WDFY3: variants seen among roughly 807,000 people sequenced by gnomAD.
WDFY3 encodes WD repeat and FYVE domain-containing protein 3.
Under a neutral mutation model 409.6 loss-of-function variants are expected in WDFY3, and 66 were observed. That is an observed-to-expected ratio of 0.16 (90% CI 0.13 to 0.20). WDFY3 has a LOEUF of 0.20. Among genes scored for constraint, WDFY3 ranks in the 10% least tolerant of loss-of-function variants. WDFY3 has a pLI of 1.00. For synonymous variants in WDFY3, 1,521 were observed against 1,537.1 expected, an observed-to-expected ratio of 0.99 and a Z score of 0.25; for missense variants, 3,031 against 4,298.1, an observed-to-expected ratio of 0.71 and a Z score of 8.24.
In WDFY3 at chr4:84,684,062, C is replaced by T. The variant is rs75223180; in HGVS notation, c.9607G>A (p.Val3203Met). ...HVWSINGNPI[V>M]SVNTFTGRSQ... ...CTACCTGTGAACGTGTTGACACTCACGATAGGGTTCCCATTGATGCTCCAC... is the reference window on the plus strand; with the variant it reads ...CTACCTGTGAACGTGTTGACACTCATGATAGGGTTCCCATTGATGCTCCAC... Residue 3203 changes from valine to methionine, a missense_variant, in exon 63 of 68, where the codon GTG becomes ATG. Val to Met is a conservative substitution (Grantham distance 21). Coordinates refer to ENST00000295888, the MANE Select transcript of WDFY3 (RefSeq NM_014991.6). The T allele has an allele frequency of 5.7e-5, 92 of 1,613,082 alleles. No homozygotes were observed. The highest frequency in any genetic ancestry group is 2.5e-4 in the Admixed American group (15 of 59,990).
rs573806304 is a variant in WDFY3, at chr4:84,670,740, A to C, written c.*2128T>G. On this transcript the variant is annotated 3_prime_UTR_variant, in exon 68 of 68. Transcript: ENST00000295888. ...GGACAAAAGGAGGACGCTTCTTTTA[A>C]AAAGTGTAGAATAACACTGCTACAA... 3.9e-5 allele frequency: 6 copies of C among 152,666 alleles called. No individual in the cohort carries two copies. In the South Asian group the frequency reaches 1.2e-3, roughly 32 times the overall value. The allele number at this position is 152,666 out of a possible 1,614,324, so 9.5% of individuals were successfully genotyped here. A position where few individuals can be genotyped will look rare whatever the true frequency, so the allele number is the denominator to read the frequency against.
chr4:84,762,711 C>T (rs1394872146), intron 32 of WDFY3, among the ~76,000 whole-genome samples: 2 of 151,968 alleles, frequency 1.3e-5, no homozygotes, highest in Non-Finnish European at 2.9e-5. Context: ...GTTTTCTTTG[C>T]CCTCATTAAT....
At chr4:84,844,457 T>G (rs1002464650) in intron 5 of WDFY3, 1 of 1,289,632 alleles carries the variant, frequency 7.8e-7, no homozygotes, top group Admixed American at 2.3e-5. Context: ...TGAAATTACC[T>G]GAAGGTGTTG....
intron 2 of WDFY3, among the ~76,000 whole-genome samples, chr4:84,911,478 C>A (rs567925180): frequency 6.6e-6 from 1 of 152,098 alleles, no homozygotes; most frequent in Non-Finnish European, 1.5e-5. Flanking sequence ...CAGAGTGAGA[C>A]CCTGTCTCTT....
intron 24 of WDFY3, among the ~76,000 whole-genome samples, chr4:84,785,694 A>T (rs915079828): frequency 6.6e-6 from 1 of 152,234 alleles, no homozygotes; most frequent in South Asian, 2.1e-4. Context: ...CCTTAAAAAC[A>T]GTAATTGTTT....
chr4:84,941,189 C>T (rs1009992101), intron 1 of WDFY3, among the ~76,000 whole-genome samples: 1 of 151,854 alleles, frequency 6.6e-6, no homozygotes, highest in African/African-American at 2.4e-5. Flanking sequence ...TGTCTTTATT[C>T]CAGGCAGCAT....
Position 84,763,896 on chromosome 4 carries a change from G to C in WDFY3, c.5188+1914C>G, listed in dbSNP as rs79397131. On this transcript the variant is annotated intron_variant, in intron 32 of 67. Transcript: ENST00000295888. ...CTCTCTCTAATATTACTAAAGTGACGCAGGACAGAAAAAGCACAGGACTAA... is the reference window on the plus strand; with the variant it reads ...CTCTCTCTAATATTACTAAAGTGACCCAGGACAGAAAAAGCACAGGACTAA... Among the ~76,000 whole-genome samples, 788 of 152,234 alleles carry C rather than the reference G, an allele frequency of 5.2e-3. 9 individuals carry two copies. The highest frequency in any genetic ancestry group is 0.018 in the African/African-American group (739 of 41,546).
chr4:84,842,858 G>C (rs1398758705), intron 5 of WDFY3, among the ~76,000 whole-genome samples: 1 of 152,174 alleles, frequency 6.6e-6, no homozygotes, highest in African/African-American at 2.4e-5. Flanking sequence ...ATAAGATTTA[G>C]GTTATCTTAG....
At chr4:84,935,861 C>T (rs1294913372) in intron 1 of WDFY3, among the ~76,000 whole-genome samples, 2 of 152,092 alleles carry the variant, frequency 1.3e-5, no homozygotes, top group Non-Finnish European at 2.9e-5. Context: ...AAAATGATTT[C>T]AGTACATTCT....
intron 7 of WDFY3, among the ~76,000 whole-genome samples, chr4:84,833,662 AAAAG>A (rs1457868848): frequency 7.3e-6 from 1 of 136,900 alleles, no homozygotes; most frequent in African/African-American, 3.0e-5. Context: ...TCAAAAGAGA[AAAAG>A]AAAAGAAAAG....
At chr4:84,829,231 A>T in intron 8 of WDFY3, 41 bp from the exon 9 acceptor site, 1 of 1,454,514 alleles carries the variant, frequency 6.9e-7, no homozygotes, top group Non-Finnish European at 9.2e-7. Flanking sequence ...ATTATTCCTG[A>T]CAATCGCTTA....
chr4:84,789,726 C>T lies in WDFY3; in HGVS notation c.3669G>A (p.Lys1223=), dbSNP rs149265613. 151 of 1,612,322 alleles carry T rather than the reference C, an allele frequency of 9.4e-5. No individual in the cohort carries two copies. The African/African-American group carries it at 1.7e-3, about 18-fold the overall frequency. The change falls in exon 22 of 68, where the codon AAG becomes AAA. Residue 1223 remains lysine (K), a splice_region_variant and synonymous_variant. Transcript: ENST00000295888. ...GATTTACAAGTGCACATACACTTAC[C>T]TTTACAGTGTTAACAAGCTGTCCAT... is the stretch of plus-strand genomic sequence containing the variant. ...YIDGQLVNTV[K]LHYVHSTPGG...
At chr4:84,880,674 C>CATATATATACAT (rs1763381930) in intron 3 of WDFY3, among the ~76,000 whole-genome samples, 1 of 50,356 alleles carries the variant, frequency 2.0e-5, no homozygotes, top group Non-Finnish European at 3.4e-5. Flanking sequence ...GGGAACCATA[C>CATATATATACAT]ATATATATAT....
Position 84,733,724 on chromosome 4 carries a change from T to A in WDFY3, c.6994-115A>T, listed in dbSNP as rs926419099. On this transcript the variant is annotated intron_variant, in intron 43 of 67. Coordinates refer to ENST00000295888, the MANE Select transcript of WDFY3 (RefSeq NM_014991.6). ...GGAAACAAACACAATCCACACCATT[T>A]CAGTTAACATTATAAAAGTAAAATT... The A allele has an allele frequency of 5.8e-5, 57 of 980,766 alleles. No homozygotes were observed. The Admixed American group carries it at 1.5e-3, about 25-fold the overall frequency. 60.8% of individuals were successfully genotyped at this position (980,766 alleles called of 1,614,324 possible). A position where few individuals can be genotyped will look rare whatever the true frequency, so the allele number is the denominator to read the frequency against.
chr4:84,960,573 C>T (rs923370702), intron 1 of WDFY3, among the ~76,000 whole-genome samples: 2 of 152,226 alleles, frequency 1.3e-5, no homozygotes. Flanking sequence ...TTCATTATTA[C>T]GGGGTACTCA....
intron 6 of WDFY3, among the ~76,000 whole-genome samples, chr4:84,838,617 G>T (rs1211776482): frequency 2.0e-5 from 3 of 152,134 alleles, no homozygotes; most frequent in Admixed American, 2.0e-4. Flanking sequence ...TGAAGAGAAA[G>T]CTTCAAGACT....
At chr4:84,885,736 A>AGCAACAATCAG (rs1165717941) in intron 3 of WDFY3, among the ~76,000 whole-genome samples, 1 of 152,248 alleles carries the variant, frequency 6.6e-6, no homozygotes, top group African/African-American at 2.4e-5. Flanking sequence ...CTAATAGATT[A>AGCAACAATCAG]GCAACAATCA....
intron 46 of WDFY3, among the ~76,000 whole-genome samples, chr4:84,723,532 A>G (rs919137616): frequency 6.6e-6 from 1 of 152,256 alleles, no homozygotes; most frequent in African/African-American, 2.4e-5. Context: ...TCAGAGGCTT[A>G]CAAAGATTAA....
intron 25 of WDFY3, among the ~76,000 whole-genome samples, chr4:84,781,814 C>T (rs751968552): frequency 1.3e-5 from 2 of 152,040 alleles, no homozygotes; most frequent in Non-Finnish European, 2.9e-5. Context: ...AATAAAAGAA[C>T]GCTACCACGT....
Sources: gnomAD v4.1 joint callset for allele counts (sites outside exome capture counted in the v4.1 genomes callset) on GRCh38, gnomAD v4.1.1 for gene constraint, MANE v1.5 for transcripts, NCBI Gene and HGNC (gene_info 2026-07-23, HGNC 2026-07-21) for gene names.